DCTN1: variants seen among roughly 807,000 people sequenced by gnomAD.
DCTN1 encodes the protein dynactin subunit 1.
Under a neutral mutation model 161.2 loss-of-function variants are expected in DCTN1, and 61 were observed. The observed-to-expected ratio is 0.38, with a 90% CI of 0.31 to 0.47. The LOEUF is 0.47. Among genes scored for constraint, DCTN1 ranks in the 20% least tolerant of loss-of-function variants. The pLI is 0.99. For missense variants in DCTN1, 1,404 were observed against 1,623.7 expected (o/e 0.86, Z 2.33); for synonymous variants, 653 against 632.4 (o/e 1.03, Z -0.49).
chr2:74,373,371 A>G (rs1675010503), intron 6 of DCTN1: 1 of 305,872 alleles, frequency 3.3e-6, no homozygotes, highest in Admixed American at 4.1e-5. Flanking sequence ...TTCCCAGGTC[A>G]GCCTCTTCCT....
chr2:74,390,594 G>A (rs992256324), intron 1 of DCTN1: 7 of 465,890 alleles, frequency 1.5e-5, no homozygotes, highest in Admixed American at 2.4e-5. Context: ...TTATAGGCCT[G>A]GACAGATAAA....
At chr2:74,388,051 G>A (rs755260945) in intron 1 of DCTN1, among the ~76,000 whole-genome samples, 1 of 151,988 alleles carries the variant, frequency 6.6e-6, no homozygotes, top group African/African-American at 2.4e-5. Flanking sequence ...TGGGTGTGGT[G>A]GTGGTGCATG....
intron 31 of DCTN1, 99 bp from the exon 32 acceptor site, chr2:74,361,735 G>A (rs563079088): frequency 1.1e-5 from 16 of 1,462,170 alleles, no homozygotes; most frequent in Non-Finnish European, 1.4e-5. Flanking sequence ...GGCAGCTCCT[G>A]GGTGACTAGG....
rs200095976 is a variant in DCTN1, at chr2:74,361,623, T to C, written c.3713A>G (p.Gln1238Arg). Reference protein sequence around the residue: ...SSAFLRAKEEQQDDTVYMGKV... With the variant: ...SSAFLRAKEERQDDTVYMGKV... ...GCCCATGTAGACTGTGTCATCCTGC[T>C]GCTCCTCCTTGGCCTGGTGGTTGAT... is the stretch of plus-strand genomic sequence containing the variant. Residue 1238 changes from glutamine to arginine, a missense_variant, in exon 32 of 32, where the codon CAG (glutamine) becomes CGG (arginine). Transcript: ENST00000628224. The C allele has an allele frequency of 1.2e-6, 2 of 1,614,154 alleles. No homozygotes were observed. Among genetic ancestry groups the C allele is most frequent in the Admixed American group, 1.7e-5 (1 of 60,024 alleles).
rs576341746 is a variant in DCTN1, at chr2:74,363,518, C to A, written c.3212-91G>T. Reference sequence around the variant, plus strand: ...TACTCTTCCCCTTTCCTCATCCCCCCATCACCCATCTCCAGTCCTGGCTTC... The same window carrying A: ...TACTCTTCCCCTTTCCTCATCCCCCAATCACCCATCTCCAGTCCTGGCTTC... On this transcript the variant is annotated intron_variant, in intron 27 of 31. Coordinates refer to ENST00000628224, the MANE Select transcript of DCTN1 (RefSeq NM_004082.5). 1.5e-4 allele frequency: 239 copies of A among 1,596,932 alleles called. 1 individual carries two copies. The highest frequency in any genetic ancestry group is 9.3e-4 in the South Asian group (82 of 88,552).
At position 74,365,084 on chromosome 2, in the gene DCTN1, T is replaced by C. The variant is rs759276455; in HGVS notation, c.3187A>G (p.Ile1063Val). Reference sequence around the variant, plus strand: ...ATTCCACAGTACTCACCACCAGCAATGCCAGAGACCAGAGTAGCAATGCCT... The same window carrying C: ...ATTCCACAGTACTCACCACCAGCAACGCCAGAGACCAGAGTAGCAATGCCT... ...PSGIATLVSGIAGEEQQRGAI... is the reference protein window; with the variant it reads ...PSGIATLVSGVAGEEQQRGAI... The change falls in exon 26 of 32, where the codon ATT (isoleucine) becomes GTT (valine). Residue 1063 changes from isoleucine to valine, a missense_variant. Transcript: ENST00000628224. The C allele has an allele frequency of 6.8e-6, 11 of 1,613,952 alleles. No individual in the cohort carries two copies. Among genetic ancestry groups the C allele is most frequent in the African/African-American group, 1.3e-5 (1 of 74,898 alleles).
upstream of DCTN1, among the ~76,000 whole-genome samples, chr2:74,381,855 G>T (rs558771248): frequency 6.6e-6 from 1 of 152,266 alleles, no homozygotes; most frequent in East Asian, 1.9e-4. Flanking sequence ...GACACCGCCT[G>T]GTATTTAATA....
intron 16 of DCTN1, 38 bp downstream of exon 16, chr2:74,368,690 A>G: frequency 6.2e-7 from 1 of 1,614,158 alleles, no homozygotes; most frequent in South Asian, 1.1e-5. Flanking sequence ...TGGCAAGTTC[A>G]CTAGATTTCT....
At position 74,369,240 on chromosome 2, in the gene DCTN1, G is replaced by T. The variant is rs756567178; in HGVS notation, c.1585-26C>A. On this transcript the variant is annotated intron_variant, in intron 14 of 31. Coordinates refer to ENST00000628224, the MANE Select transcript of DCTN1 (RefSeq NM_004082.5). This position sits in a 1 kb window ranked among gnomAD's most constrained non-coding sequence, Gnocchi z 4.9. ...CTAGGAGGAGAGACAGTGAAGCACA[G>T]CTGGGTCATAAGGAAGCCCTGGGGT... 1 of 1,614,160 alleles carries T rather than the reference G, an allele frequency of 6.2e-7. No individual in the cohort carries two copies. Among genetic ancestry groups the T allele is most frequent in the Non-Finnish European group, 8.5e-7 (1 of 1,179,996 alleles).
intron 7 of DCTN1, among the ~76,000 whole-genome samples, chr2:74,372,241 C>T (rs34215278): frequency 0.022 from 3,350 of 152,274 alleles, 51 homozygotes; most frequent in Non-Finnish European, 0.031. Flanking sequence ...TCTACCCCTG[C>T]TAAGCCCTCT....
At chr2:74,374,688 C>A in intron 5 of DCTN1, 1 of 1,199,198 alleles carries the variant, frequency 8.3e-7, no homozygotes, top group Non-Finnish European at 1.1e-6. Context: ...CCAGCTCCAC[C>A]TGACGTCATG....
At position 74,369,394 on chromosome 2, in the gene DCTN1, C is replaced by T. The variant is rs369086889; in HGVS notation, c.1490G>A (p.Arg497His). The stretch of plus-strand genomic sequence containing the variant: ...TGCCTCCACACGCTTCTGGGCCTCA[C>T]GAACCCGCGCGCCTGCCATGTCCAG... ...EQLDMAGARV[R>H]EAQKRVEAAQ... The change falls in exon 14 of 32, where the codon CGT becomes CAT. Residue 497 changes from arginine (R) to histidine (H), a missense_variant. Arg to His is a conservative substitution (Grantham distance 29). Transcript: ENST00000628224. This position sits in a 1 kb window ranked among gnomAD's most constrained non-coding sequence, Gnocchi z 4.9. The T allele has an allele frequency of 1.4e-5, 22 of 1,614,068 alleles. No homozygotes were observed. The African/African-American group carries it at 2.0e-4, about 15-fold the overall frequency.
At chr2:74,391,825 GA>G (rs1558957898) in exon 1 of DCTN1, 2 of 453,734 alleles carry the variant, frequency 4.4e-6, no homozygotes. Flanking sequence ...GCCCAGCTCC[GA>G]CCCCACCGAC....
exon 1 of DCTN1, chr2:74,391,856 G>GCGGGGCCGGC (rs1553468131): frequency 8.8e-6 from 4 of 453,330 alleles, no homozygotes; most frequent in Non-Finnish European, 1.8e-5. Flanking sequence ...CCAAGACCCT[G>GCGGGGCCGGC]CGGGGCCGGC....
At chr2:74,372,430 T>C (rs1674933757) in intron 7 of DCTN1, among the ~76,000 whole-genome samples, 1 of 152,216 alleles carries the variant, frequency 6.6e-6, no homozygotes. Context: ...GCAGAGGAGC[T>C]GACCTGAAGT....
Position 74,378,214 on chromosome 2 carries a change from G to A in DCTN1, c.65C>T (p.Ala22Val), listed in dbSNP as rs748322768. Reference protein sequence around the residue: ...TPSGSRMSAEASARPLRVGSR... With the variant: ...TPSGSRMSAEVSARPLRVGSR... ...GCCCACCCGCAGAGGCCGGGCGCTT[G>A]CCTCCGCACTCATCCTGCTGCCGCT... The change falls in exon 2 of 32, where the codon GCA (alanine) becomes GTA (valine). Residue 22 changes from alanine (A) to valine (V), a missense_variant. By Grantham distance (64) the Ala-to-Val change is moderately conservative. Transcript: ENST00000628224. 1 of 1,611,212 alleles carries A rather than the reference G, an allele frequency of 6.2e-7. No homozygotes were observed.
intron 29 of DCTN1, 106 bp downstream of exon 29, chr2:74,362,888 G>A (rs1674118118): frequency 1.4e-6 from 2 of 1,389,268 alleles, no homozygotes; most frequent in Non-Finnish European, 2.0e-6. Context: ...AAAGAACACT[G>A]CTGGGAAGAG....
chr2:74,389,327 G>A lies in DCTN1; in HGVS notation c.-19+2467C>T, dbSNP rs77675831. Among the ~76,000 whole-genome samples, 181 of 152,190 alleles carry A rather than the reference G, an allele frequency of 1.2e-3. No homozygotes were observed. In the East Asian group the frequency reaches 0.022, roughly 18 times the overall value. On this transcript the variant is annotated intron_variant, in intron 1 of 27. Transcript: ENST00000409240. Reference sequence around the variant, plus strand: ...ATATTCCAGCTCTTACATCTTCAGGGGACACTGAGGACCGAGTTCCTATTT... The same window carrying A: ...ATATTCCAGCTCTTACATCTTCAGGAGACACTGAGGACCGAGTTCCTATTT...
Position 74,371,645 on chromosome 2 carries a change from G to A in DCTN1, c.537C>T (p.Ser179=). ...GAGCCGGGGTGCTGGGCTCACTGCTGCTCAGCTCACCTGCTGACGCTGAGC... is the reference window on the plus strand; with the variant it reads ...GAGCCGGGGTGCTGGGCTCACTGCTACTCAGCTCACCTGCTGACGCTGAGC... ...PSGSASAGEL[S]SSEPSTPAQT... Residue 179 remains serine (S), a synonymous_variant, in exon 8 of 32, where the codon AGC becomes AGT. Coordinates refer to ENST00000628224, the MANE Select transcript of DCTN1 (RefSeq NM_004082.5). 1.3e-6 allele frequency: 2 copies of A among 1,595,258 alleles called. No homozygotes were observed. The highest frequency in any genetic ancestry group is 1.7e-6 in the Non-Finnish European group (2 of 1,172,128).
Sources: allele counts gnomAD v4.1 joint callset (sites outside exome capture counted in the v4.1 genomes callset), GRCh38; gene constraint gnomAD v4.1.1; non-coding constraint Gnocchi (gnomAD v3.1); transcripts MANE v1.5; gene names NCBI Gene and HGNC (gene_info 2026-07-23, HGNC 2026-07-21).